The following SOX5 variants were observed in gnomAD, a reference collection of about 807,000 sequenced individuals.
The protein encoded by SOX5 is SRY-box transcription factor 5.
In SOX5, 9 loss-of-function variants were observed where a neutral mutation model predicts 92.0. The observed-to-expected ratio is 0.10, with a 90% CI of 0.06 to 0.17. The LOEUF (loss-of-function observed/expected upper bound fraction) is 0.17. Among genes scored for constraint, SOX5 ranks in the 10% least tolerant of loss-of-function variants. The pLI, the probability that SOX5 is intolerant of heterozygous loss-of-function variation, is 1.00. For missense variants in SOX5, 642 were observed against 944.5 expected, an observed-to-expected ratio of 0.68 and a Z score of 4.20; for synonymous variants, 344 against 336.3, an observed-to-expected ratio of 1.02 and a Z score of -0.25.
chr12:23,805,064 GT>G (rs987663948), intron 3 of SOX5, among the ~76,000 whole-genome samples: 55 of 148,840 alleles, frequency 3.7e-4, no homozygotes, highest in African/African-American at 1.3e-3. Flanking sequence ...ATGACTAGAC[GT>G]TTTTTTAAAA....
intron 9 of SOX5, among the ~76,000 whole-genome samples, chr12:23,600,654 A>G (rs1210329425): frequency 1.3e-5 from 2 of 150,938 alleles, no homozygotes; most frequent in Non-Finnish European, 3.0e-5. Context: ...CACAAACAGT[A>G]AGTTCAAGGA....
At chr12:24,464,521 T>C (rs562935902) in intron 1 of SOX5, among the ~76,000 whole-genome samples, 139 of 152,220 alleles carry the variant, frequency 9.1e-4, no homozygotes, top group African/African-American at 3.3e-3. Context: ...TTTTGTATTT[T>C]TAGTAGAGAT....
chr12:23,979,974 C>CAGATAGATAGAT, intron 4 of SOX5, among the ~76,000 whole-genome samples: 1 of 143,480 alleles, frequency 7.0e-6, no homozygotes, highest in East Asian at 2.0e-4. Flanking sequence ...GATAGATAGA[C>CAGATAGATAGAT]AGATAGATAG....
chr12:23,849,893 A>G (rs1382114170), intron 2 of SOX5, among the ~76,000 whole-genome samples: 3 of 152,178 alleles, frequency 2.0e-5, no homozygotes, highest in African/African-American at 7.2e-5. Flanking sequence ...AACTATCTTT[A>G]TAAAATTTGT....
rs555221060 is a variant in SOX5 at position 23,737,247 on chromosome 12, T to A, written c.742-2495A>T. On this transcript the variant is annotated intron_variant, in intron 5 of 14. Transcript: ENST00000451604. ...TCCATTTTGCTCCTGCTCCCTATAG[T>A]TGATCACAGACCAGCACCCTGAGAG... Among the ~76,000 whole-genome samples, 6 of 152,220 alleles carry A rather than the reference T, an allele frequency of 3.9e-5. No individual in the cohort carries two copies. The South Asian group carries it at 1.0e-3, about 26-fold the overall frequency.
chr12:23,634,736 G>A (rs1551982), intron 8 of SOX5, among the ~76,000 whole-genome samples: 44,502 of 151,282 alleles, frequency 0.29, 6,656 homozygotes, highest in African/African-American at 0.33. Flanking sequence ...AATTCAAACT[G>A]TTTTTTTCTT....
chr12:23,900,936 G>T (rs1375136568), intron 1 of SOX5, among the ~76,000 whole-genome samples: 6 of 152,102 alleles, frequency 3.9e-5, no homozygotes, highest in Admixed American at 6.6e-5. Context: ...CTCCAGCCTG[G>T]TGACAGAGCA....
chr12:23,741,047 T>C lies in SOX5; in HGVS notation c.569-8A>G. 2 of 1,571,308 alleles carry C rather than the reference T, an allele frequency of 1.3e-6. No homozygotes were observed. Among genetic ancestry groups the C allele is most frequent in the South Asian group, 2.3e-5 (2 of 87,012 alleles). Reference sequence around the variant, plus strand: ...CTAAGCTCTCGGGAGTCCCTACAAATCATATAGCAATAAAACAGACAAAAT... The same window carrying C: ...CTAAGCTCTCGGGAGTCCCTACAAACCATATAGCAATAAAACAGACAAAAT... On this transcript the variant is annotated splice_polypyrimidine_tract_variant and splice_region_variant and intron_variant, in intron 4 of 14. Transcript: ENST00000451604.
chr12:24,478,863 C>T (rs1216633593), intron 1 of SOX5, among the ~76,000 whole-genome samples: 1 of 152,222 alleles, frequency 6.6e-6, no homozygotes, highest in Non-Finnish European at 1.5e-5. Flanking sequence ...ATGAAACTTT[C>T]CTGAAAGAAT....
intron 1 of SOX5, among the ~76,000 whole-genome samples, chr12:24,507,212 G>A (rs1470932995): frequency 6.6e-6 from 1 of 152,008 alleles, no homozygotes; most frequent in Non-Finnish European, 1.5e-5. Context: ...AATTGATGGT[G>A]ACTCTGATGA....
At chr12:24,196,034 G>A (rs1055828476) in intron 4 of SOX5, among the ~76,000 whole-genome samples, 9 of 152,118 alleles carry the variant, frequency 5.9e-5, no homozygotes, top group Admixed American at 1.3e-4. Flanking sequence ...ACATACGTGC[G>A]CCACCACGCC....
chr12:23,563,591 G>C (rs2136359253), intron 10 of SOX5, among the ~76,000 whole-genome samples, 188 bp from the exon 11 acceptor site: 1 of 152,242 alleles, frequency 6.6e-6, no homozygotes, highest in Middle Eastern at 3.4e-3. Flanking sequence ...ACATAAACAT[G>C]TTTCCAATAT....
chr12:23,949,540 T>C (rs1321326319), intron 1 of SOX5, 24 bp downstream of exon 1: 1 of 1,613,134 alleles, frequency 6.2e-7, no homozygotes, highest in Non-Finnish European at 8.5e-7. Flanking sequence ...CTTCAATATA[T>C]TAGGGGGAAA....
intron 4 of SOX5, among the ~76,000 whole-genome samples, chr12:24,178,254 T>C (rs957134290): frequency 1.1e-4 from 17 of 151,682 alleles, no homozygotes; most frequent in African/African-American, 3.9e-4. Flanking sequence ...CTTTTTTTTT[T>C]TTTTTTTTTT....
At chr12:24,520,477 A>G (rs1228661092) in intron 1 of SOX5, among the ~76,000 whole-genome samples, 1 of 150,798 alleles carries the variant, frequency 6.6e-6, no homozygotes, top group African/African-American at 2.4e-5. Context: ...AAAAAAATCT[A>G]TAATAGACAC....
In SOX5 at chr12:23,602,338, A is replaced by G. The variant is rs78166536; in HGVS notation, c.1164+2049T>C. Among the ~76,000 whole-genome samples, 1,355 of 152,278 alleles carry G rather than the reference A, an allele frequency of 8.9e-3. 39 individuals are homozygous for G. The highest frequency in any genetic ancestry group is 0.078 in the East Asian group (402 of 5,186). On this transcript the variant is annotated intron_variant, in intron 9 of 14. Coordinates refer to ENST00000451604, the MANE Select transcript of SOX5 (RefSeq NM_006940.6). ...GCAATTTCTTAATCTTAGCAAAGCAAACCTTCAGTTACTTTAGCATTTTCC... is the reference window on the plus strand; with the variant it reads ...GCAATTTCTTAATCTTAGCAAAGCAGACCTTCAGTTACTTTAGCATTTTCC...
chr12:24,514,630 A>G (rs1949614157), intron 1 of SOX5, among the ~76,000 whole-genome samples: 1 of 152,232 alleles, frequency 6.6e-6, no homozygotes, highest in African/African-American at 2.4e-5. Flanking sequence ...ACTATTCACA[A>G]TAACAAAGAC....
intron 2 of SOX5, among the ~76,000 whole-genome samples, chr12:23,882,594 C>T (rs971353094): frequency 1.3e-5 from 2 of 152,064 alleles, no homozygotes; most frequent in Admixed American, 6.5e-5. Context: ...AAGAATGATT[C>T]GATTTATTGG....
intron 1 of SOX5, among the ~76,000 whole-genome samples, chr12:24,449,277 T>C (rs1181821966): frequency 2.0e-5 from 3 of 152,158 alleles, no homozygotes; most frequent in Non-Finnish European, 4.4e-5. Flanking sequence ...TTATCAACTC[T>C]CCAAACTCTT....
Sources: allele counts gnomAD v4.1 joint callset (sites outside exome capture counted in the v4.1 genomes callset), GRCh38; gene constraint gnomAD v4.1.1; transcripts MANE v1.5; gene names NCBI Gene and HGNC (gene_info 2026-07-23, HGNC 2026-07-21).